MTHFD1L: variants seen among roughly 807,000 people sequenced by gnomAD.
MTHFD1L encodes the protein methylenetetrahydrofolate dehydrogenase (NADP+ dependent) 1 like.
MTHFD1L carries 81 observed loss-of-function variants against 119.5 expected under a neutral mutation model. That is an observed-to-expected ratio of 0.68 (90% CI 0.57 to 0.82). MTHFD1L has a LOEUF of 0.82. Ranked by LOEUF, MTHFD1L falls within the 40% of genes least tolerant of loss-of-function variation. The pLI, the probability that MTHFD1L is intolerant of heterozygous loss-of-function variation, is 0.00. For missense variants in MTHFD1L, 1,125 were observed against 1,253.4 expected, an observed-to-expected ratio of 0.90 and a Z score of 1.55; for synonymous variants, 430 against 475.2, an observed-to-expected ratio of 0.90 and a Z score of 1.24.
intron 26 of MTHFD1L, among the ~76,000 whole-genome samples, chr6:151,040,051 G>T (rs1371090446): frequency 6.6e-6 from 1 of 152,214 alleles, no homozygotes; most frequent in African/African-American, 2.4e-5. Context: ...AGGGCGGCTG[G>T]ACAGTGCAGG....
chr6:150,947,903 A>G (rs895863879), intron 15 of MTHFD1L, among the ~76,000 whole-genome samples: 3 of 152,204 alleles, frequency 2.0e-5, no homozygotes, highest in Non-Finnish European at 2.9e-5. Context: ...AACTCACAGT[A>G]TCTTACTCGT....
chr6:151,081,220 T>C (rs1328167429), intron 26 of MTHFD1L, among the ~76,000 whole-genome samples: 3 of 152,188 alleles, frequency 2.0e-5, no homozygotes, highest in African/African-American at 7.2e-5. Context: ...CTGAATTCTT[T>C]CCTACTTCAG....
intron 11 of MTHFD1L, among the ~76,000 whole-genome samples, chr6:150,928,433 CAAAA>C (rs540059318): frequency 7.8e-4 from 55 of 70,926 alleles, no homozygotes; most frequent in African/African-American, 2.6e-3. Flanking sequence ...AAGACTGTCT[CAAAA>C]AAAAAAAAAA....
chr6:151,000,705 A>G (rs1160797664), intron 20 of MTHFD1L, among the ~76,000 whole-genome samples: 1 of 152,202 alleles, frequency 6.6e-6, no homozygotes, highest in Non-Finnish European at 1.5e-5. Flanking sequence ...CTCCCCTTTA[A>G]TTCAAGTTCA....
At position 151,039,290 on chromosome 6, in the gene MTHFD1L, T is replaced by G. The variant is rs1284505752; in HGVS notation, c.2847+2173T>G. ...ATGGGTTCTGAATGACATTTTCAGG[T>G]CTACAGTTCAGATCAGTGGTTGCCA... On this transcript the variant is annotated intron_variant, in intron 26 of 27. Coordinates refer to ENST00000367321, the MANE Select transcript of MTHFD1L (RefSeq NM_015440.5). The surrounding 1 kb of genome is among the most constrained non-coding windows in gnomAD (Gnocchi z 4.4). 6.6e-6 allele frequency among the ~76,000 whole-genome samples: 1 copy of G among 152,036 alleles called. No individual in the cohort carries two copies. Among genetic ancestry groups the G allele is most frequent in the Non-Finnish European group, 1.5e-5 (1 of 68,000 alleles).
At chr6:150,892,368 C>G (rs562360855) in intron 7 of MTHFD1L, among the ~76,000 whole-genome samples, 2 of 152,270 alleles carry the variant, frequency 1.3e-5, no homozygotes, top group East Asian at 3.9e-4. Flanking sequence ...TGGGATGAAT[C>G]TCATCTGAAC....
At chr6:150,877,561 A>G in intron 2 of MTHFD1L, 73 bp from the exon 3 acceptor site, 1 of 1,520,700 alleles carries the variant, frequency 6.6e-7, no homozygotes, top group Non-Finnish European at 9.1e-7. Context: ...TAATCACAAA[A>G]TTCATCTCTG....
At chr6:150,903,045 G>T (rs748518521) in intron 7 of MTHFD1L, among the ~76,000 whole-genome samples, 78 of 152,010 alleles carry the variant, frequency 5.1e-4, no homozygotes, top group South Asian at 1.5e-3. Context: ...TATAAATGAA[G>T]AAATAAAATT....
intron 20 of MTHFD1L, among the ~76,000 whole-genome samples, chr6:150,979,447 C>T (rs1004067247): frequency 6.6e-6 from 1 of 152,160 alleles, no homozygotes; most frequent in Non-Finnish European, 1.5e-5. Context: ...TCGAGTCCCA[C>T]TGTTTCCTTG....
chr6:150,877,219 A>T (rs757853682), intron 2 of MTHFD1L, among the ~76,000 whole-genome samples: 4 of 151,932 alleles, frequency 2.6e-5, no homozygotes, highest in Non-Finnish European at 5.9e-5. Context: ...CGCCGGGCTA[A>T]TGTTTGTATT....
chr6:150,945,096 A>T (rs1441420523), intron 14 of MTHFD1L, among the ~76,000 whole-genome samples: 1 of 152,234 alleles, frequency 6.6e-6, no homozygotes, highest in Non-Finnish European at 1.5e-5. Context: ...CAGATATAGG[A>T]CATAGATAAA....
Position 150,882,782 on chromosome 6 carries a change from G to C in MTHFD1L, c.438G>C (p.Lys146Asn), listed in dbSNP as rs1336713094. ...SEAEIIDEIL[K>N]INEDTRVHGL... ...TTTAGATTATAGATGAAATCTTAAA[G>C]ATCAATGAAGATACCAGAGTACATG... The change falls in exon 5 of 28, where the codon AAG (lysine) becomes AAC (asparagine). Residue 146 changes from lysine to asparagine, a missense_variant. Coordinates refer to ENST00000367321, the MANE Select transcript of MTHFD1L (RefSeq NM_015440.5). 3.9e-6 allele frequency: 6 copies of C among 1,529,026 alleles called. No individual in the cohort carries two copies. Among genetic ancestry groups the C allele is most frequent in the Non-Finnish European group, 4.4e-6 (5 of 1,146,816 alleles). The allele number at this position is 1,529,026 out of a possible 1,614,324, so 94.7% of individuals were successfully genotyped here. A position where few individuals can be genotyped will look rare whatever the true frequency, so the allele number is the denominator to read the frequency against.
intron 7 of MTHFD1L, 107 bp from the exon 8 acceptor site, chr6:150,905,543 A>G: frequency 1.3e-6 from 1 of 785,692 alleles, no homozygotes; most frequent in South Asian, 1.5e-5. Context: ...GCAGCTTGGA[A>G]CAAAGCTGTG....
chr6:150,921,656 T>TC (rs1788961836), intron 9 of MTHFD1L, among the ~76,000 whole-genome samples: 1 of 151,964 alleles, frequency 6.6e-6, no homozygotes, highest in Non-Finnish European at 1.5e-5. Flanking sequence ...CAAACAATCC[T>TC]CCCACCTCAG....
At chr6:151,079,287 TTGA>T in intron 26 of MTHFD1L, among the ~76,000 whole-genome samples, 1 of 152,012 alleles carries the variant, frequency 6.6e-6, no homozygotes, top group African/African-American at 2.4e-5. Flanking sequence ...GTCCCCATTG[TTGA>T]TATTAGAAAT....
intron 19 of MTHFD1L, among the ~76,000 whole-genome samples, chr6:150,967,419 C>T (rs1006114430): frequency 1.7e-5 from 2 of 114,828 alleles, no homozygotes; most frequent in East Asian, 2.3e-4. Context: ...TTTTTTGCCC[C>T]GTTCTCCTCC....
chr6:150,972,013 G>A lies in MTHFD1L; in HGVS notation c.2080G>A (p.Ala694Thr). The A allele has an allele frequency of 6.2e-7, 1 of 1,614,122 alleles. No individual in the cohort carries two copies. The highest frequency in any genetic ancestry group is 1.1e-5 in the South Asian group (1 of 91,082). The change falls in exon 20 of 28, where the codon GCT becomes ACT. Residue 694 changes from alanine to threonine, a missense_variant. Physicochemically the swap from Ala to Thr is moderately conservative, Grantham distance 58. This residue lies in a region of MTHFD1L where 1,058 missense variants were observed against 1,151.2 expected (regional missense o/e 0.92). Coordinates refer to ENST00000367321, the MANE Select transcript of MTHFD1L (RefSeq NM_015440.5). ...TGCTCACGGCAACTCTTCAGTGTTG[G>A]CTGATAAAATTGCCCTGAAACTGGT... ...NIAHGNSSVL[A>T]DKIALKLVGE... is the part of the protein sequence containing the mutation.
At chr6:151,010,380 A>C (rs1186267297) in intron 21 of MTHFD1L, among the ~76,000 whole-genome samples, 2 of 152,220 alleles carry the variant, frequency 1.3e-5, no homozygotes, top group Non-Finnish European at 2.9e-5. Context: ...CTTTGATGAC[A>C]GAGATTTTTC....
chr6:150,993,431 G>A (rs1253852157), intron 20 of MTHFD1L, among the ~76,000 whole-genome samples: 1 of 151,782 alleles, frequency 6.6e-6, no homozygotes, highest in African/African-American at 2.4e-5. Flanking sequence ...AGCGATTCTT[G>A]TGCCTTAGCC....
Sources: allele counts gnomAD v4.1 joint callset (sites outside exome capture counted in the v4.1 genomes callset), GRCh38; gene constraint gnomAD v4.1.1; regional missense constraint gnomAD v4.1.1; non-coding constraint Gnocchi (gnomAD v3.1); transcripts MANE v1.5; gene names NCBI Gene and HGNC (gene_info 2026-07-23, HGNC 2026-07-21).